The following DDHD1 variants were observed in gnomAD, a reference collection of about 807,000 sequenced individuals.
DDHD1 encodes the protein phospholipase DDHD1.
A neutral mutation model predicts 96.4 loss-of-function variants in DDHD1; 49 were observed. The ratio of observed to expected loss-of-function variants is 0.51; its 90% confidence interval spans 0.40 to 0.64. The LOEUF is 0.64. Among genes scored for constraint, DDHD1 ranks in the 30% least tolerant of loss-of-function variants. The pLI, the probability that DDHD1 is intolerant of heterozygous loss-of-function variation, is 0.00. For synonymous variants in DDHD1, 442 were observed against 446.5 expected (o/e 0.99, Z 0.13); for missense variants, 1,106 against 1,161.2 (o/e 0.95, Z 0.69).
In DDHD1 at chr14:53,054,534, T is replaced by C; in HGVS notation, c.2341A>G (p.Met781Val). 1.2e-6 allele frequency: 2 copies of C among 1,614,130 alleles called. No homozygotes were observed. The highest frequency in any genetic ancestry group is 1.6e-4 in the Middle Eastern group (1 of 6,062). The change falls in exon 11 of 13, where the codon ATG (methionine) becomes GTG (valine). Residue 781 changes from methionine to valine, a missense_variant. This residue lies in a region of DDHD1 where 650 missense variants were observed against 758.8 expected (regional missense o/e 0.86). Transcript: ENST00000673822. ...GCAACTGGCTTCTTCTCATCTTCCA[T>C]TGAGTCTTTTGATGTTTCAGATGAC... ...TQSSETSKDS[M>V]EDEKKPVASP...
At chr14:53,118,402 T>TA (rs1888712691) in intron 1 of DDHD1, among the ~76,000 whole-genome samples, 1 of 152,080 alleles carries the variant, frequency 6.6e-6, no homozygotes. Flanking sequence ...ACAAGAAAGC[T>TA]AAAAACCTTG....
At chr14:53,087,315 T>G (rs1028330157) in intron 4 of DDHD1, among the ~76,000 whole-genome samples, 1 of 152,104 alleles carries the variant, frequency 6.6e-6, no homozygotes, top group Admixed American at 6.6e-5. Context: ...GCAGACCTAA[T>G]AGACATCTGC....
intron 3 of DDHD1, chr14:53,092,420 A>G (rs758365489): frequency 6.6e-6 from 1 of 152,212 alleles, no homozygotes; most frequent in Non-Finnish European, 1.5e-5. Context: ...TGATGAAATT[A>G]AAATTTTAAA....
rs113066324 is a variant in DDHD1 at position 53,122,478 on chromosome 14, G to A, written c.839-18622C>T. On this transcript the variant is annotated intron_variant, in intron 1 of 12. Transcript: ENST00000673822. ...TTGAGAGGGAATGTCTCTTCCTTGG[G>A]TGCTCTATCTCAGTTCCACAGATAG... is the stretch of plus-strand genomic sequence containing the variant. Among the ~76,000 whole-genome samples, 732 of 152,126 alleles carry A rather than the reference G, an allele frequency of 4.8e-3. 6 individuals are homozygous for A. Among genetic ancestry groups the A allele is most frequent in the African/African-American group, 0.017 (703 of 41,484 alleles).
intron 1 of DDHD1, among the ~76,000 whole-genome samples, chr14:53,127,453 A>G (rs557937516): frequency 6.6e-6 from 1 of 152,226 alleles, no homozygotes; most frequent in Non-Finnish European, 1.5e-5. Flanking sequence ...AAAATAATGT[A>G]TGTGAAAGTA....
intron 4 of DDHD1, among the ~76,000 whole-genome samples, chr14:53,089,472 C>T (rs540486367): frequency 6.6e-6 from 1 of 152,066 alleles, no homozygotes; most frequent in Non-Finnish European, 1.5e-5. Context: ...CAGAGATATA[C>T]ACCAATGGAA....
chr14:53,133,979 A>C (rs137993002), intron 1 of DDHD1, among the ~76,000 whole-genome samples: 2 of 152,198 alleles, frequency 1.3e-5, no homozygotes, highest in African/African-American at 4.8e-5. Flanking sequence ...AGCTGTGTCC[A>C]TCGGACAGCC....
intron 1 of DDHD1, among the ~76,000 whole-genome samples, chr14:53,118,177 A>G (rs910712406): frequency 6.6e-6 from 1 of 152,224 alleles, no homozygotes; most frequent in Non-Finnish European, 1.5e-5. Context: ...ATCAAAGACC[A>G]AAGGTAGATA....
chr14:53,093,247 C>A, intron 3 of DDHD1, 69 bp downstream of exon 3: 2 of 1,475,984 alleles, frequency 1.4e-6, no homozygotes, highest in South Asian at 1.4e-5. Flanking sequence ...TATGAATTGT[C>A]TATTTTGAAT....
intron 1 of DDHD1, among the ~76,000 whole-genome samples, chr14:53,122,407 C>CT (rs765990757): frequency 2.0e-5 from 3 of 152,136 alleles, no homozygotes; most frequent in Non-Finnish European, 4.4e-5. Flanking sequence ...TGGGGCAGCA[C>CT]TTTGTGACCA....
At chr14:53,118,756 G>A (rs544649191) in intron 1 of DDHD1, among the ~76,000 whole-genome samples, 2 of 152,276 alleles carry the variant, frequency 1.3e-5, no homozygotes, top group South Asian at 2.1e-4. Flanking sequence ...TTATCCAGGA[G>A]AACTTCCCCA....
intron 1 of DDHD1, among the ~76,000 whole-genome samples, chr14:53,121,641 T>C (rs1008436162): frequency 6.6e-6 from 1 of 152,190 alleles, no homozygotes; most frequent in African/African-American, 2.4e-5. Context: ...TGGATGAAGC[T>C]GGAAGCCATC....
chr14:53,079,550 G>C (rs986795736), intron 4 of DDHD1, among the ~76,000 whole-genome samples: 1 of 152,188 alleles, frequency 6.6e-6, no homozygotes, highest in Non-Finnish European at 1.5e-5. Context: ...TTGTAGCATA[G>C]AATTGTGCAT....
In DDHD1 at chr14:53,043,982, T is replaced by A. The variant is rs1005992554; in HGVS notation, c.*2786A>T. ...GTACACAAAATAGAGAATAAAATTT[T>A]AATGGTATCAAAAACAAAACTTTTT... is the stretch of plus-strand genomic sequence containing the variant. On this transcript the variant is annotated 3_prime_UTR_variant, in exon 13 of 13. Transcript: ENST00000673822. 6.6e-6 allele frequency: 1 copy of A among 152,214 alleles called. No homozygotes were observed. Among genetic ancestry groups the A allele is most frequent in the African/African-American group, 2.4e-5 (1 of 41,460 alleles). The allele number at this position is 152,214 out of a possible 1,614,324, so 9.4% of individuals were successfully genotyped here.
intron 1 of DDHD1, among the ~76,000 whole-genome samples, chr14:53,118,646 G>T (rs1351636937): frequency 6.6e-6 from 1 of 152,176 alleles, no homozygotes; most frequent in African/African-American, 2.4e-5. Context: ...AAGCCTCCAA[G>T]AAATATGGGA....
chr14:53,044,792 G>C lies in DDHD1; in HGVS notation c.*1976C>G, dbSNP rs1881898275. The C allele has an allele frequency of 6.6e-6, 1 of 152,152 alleles. No homozygotes were observed. Among genetic ancestry groups the C allele is most frequent in the African/African-American group, 2.4e-5 (1 of 41,438 alleles). 9.4% of individuals were successfully genotyped at this position (152,152 alleles called of 1,614,324 possible). On this transcript the variant is annotated 3_prime_UTR_variant, in exon 13 of 13. Transcript: ENST00000673822. ...GCAAATTCAGCAAAAGGCCAAAACA[G>C]CCAACAGTACTGAAGCACTAAGTAA...
rs148097244 is a variant in DDHD1 at position 53,091,818 on chromosome 14, A to G, written c.1256T>C (p.Met419Thr). 1 of 1,613,332 alleles carries G rather than the reference A, an allele frequency of 6.2e-7. No individual in the cohort carries two copies. The highest frequency in any genetic ancestry group is 8.5e-7 in the Non-Finnish European group (1 of 1,179,690). The change falls in exon 4 of 13, where the codon ATG becomes ACG. Residue 419 changes from methionine to threonine, a missense_variant. Transcript: ENST00000673822. ...ATTTTTGATAATTCTTCCTTGGTCC[A>G]TTTTCTGCCCAATGCCATGCACAAC... ...VFVVHGIGQKMDQGRIIKNTA... is the reference protein window; with the variant it reads ...VFVVHGIGQKTDQGRIIKNTA...
chr14:53,114,014 G>T (rs1169788225), intron 1 of DDHD1, among the ~76,000 whole-genome samples: 1 of 152,206 alleles, frequency 6.6e-6, no homozygotes, highest in Non-Finnish European at 1.5e-5. Flanking sequence ...AGTCGACCAG[G>T]GACACTGGAG....
At chr14:53,067,623 A>G (rs1487419514) in intron 6 of DDHD1, among the ~76,000 whole-genome samples, 2 of 152,002 alleles carry the variant, frequency 1.3e-5, no homozygotes, top group Admixed American at 6.6e-5. Context: ...ACGCCCAGCT[A>G]ATTTTGTATT....
Sources: gnomAD v4.1 joint callset for allele counts (sites outside exome capture counted in the v4.1 genomes callset) on GRCh38, gnomAD v4.1.1 for gene constraint, gnomAD v4.1.1 regional missense constraint, MANE v1.5 for transcripts, NCBI Gene and HGNC (gene_info 2026-07-23, HGNC 2026-07-21) for gene names.